ATXN7L1: variants seen among roughly 807,000 people sequenced by gnomAD.
The protein encoded by ATXN7L1 is ataxin 7 like 1.
ATXN7L1 carries 15 observed loss-of-function variants against 70.8 expected under a neutral mutation model. That is an observed-to-expected ratio of 0.21 (90% CI 0.14 to 0.33). ATXN7L1 has a LOEUF of 0.33. ATXN7L1 is among the 10% of genes least tolerant of loss of function. ATXN7L1 has a pLI of 1.00. For missense variants in ATXN7L1, 975 were observed against 1,097.1 expected, an observed-to-expected ratio of 0.89 and a Z score of 1.57; for synonymous variants, 440 against 445.1, an observed-to-expected ratio of 0.99 and a Z score of 0.14.
chr7:105,803,074 G>C (rs994539419), intron 2 of ATXN7L1, among the ~76,000 whole-genome samples: 1 of 152,204 alleles, frequency 6.6e-6, no homozygotes, highest in Non-Finnish European at 1.5e-5. Context: ...CTTAGACTTT[G>C]TCCCACATCT....
intron 2 of ATXN7L1, among the ~76,000 whole-genome samples, chr7:105,818,735 T>C (rs575940528): frequency 1.3e-5 from 2 of 152,250 alleles, no homozygotes; most frequent in Non-Finnish European, 2.9e-5. Context: ...TGTATTAGGA[T>C]AAAGCTGCAT....
chr7:105,764,386 A>G (rs1197947904), intron 3 of ATXN7L1, among the ~76,000 whole-genome samples: 1 of 151,974 alleles, frequency 6.6e-6, no homozygotes, highest in Admixed American at 6.5e-5. Flanking sequence ...GGCCAACAGC[A>G]TCAGCGTCAT....
intron 3 of ATXN7L1, among the ~76,000 whole-genome samples, chr7:105,713,310 A>G (rs1259092395): frequency 1.3e-5 from 2 of 152,228 alleles, no homozygotes; most frequent in Non-Finnish European, 2.9e-5. Context: ...AGCTGATCAG[A>G]GAACCACACT....
intron 4 of ATXN7L1, among the ~76,000 whole-genome samples, chr7:105,644,384 G>A (rs1584483311): frequency 6.6e-6 from 1 of 152,334 alleles, no homozygotes; most frequent in Admixed American, 6.5e-5. Flanking sequence ...GGAACAGATT[G>A]TGGCTGGACA....
intron 3 of ATXN7L1, among the ~76,000 whole-genome samples, chr7:105,666,465 C>A (rs1208790010): frequency 3.9e-5 from 6 of 152,208 alleles, no homozygotes; most frequent in Non-Finnish European, 7.3e-5. Context: ...CATTAGGGCA[C>A]CTTTCCTGGT....
intron 3 of ATXN7L1, among the ~76,000 whole-genome samples, chr7:105,769,421 C>T (rs1398811081): frequency 2.0e-5 from 3 of 152,182 alleles, no homozygotes; most frequent in Non-Finnish European, 4.4e-5. Context: ...TCGTGCTTGA[C>T]TCTCTTATCC....
intron 7 of ATXN7L1, among the ~76,000 whole-genome samples, chr7:105,625,890 G>A (rs1453889998): frequency 6.6e-6 from 1 of 152,178 alleles, no homozygotes; most frequent in Non-Finnish European, 1.5e-5. Flanking sequence ...GATTGAGCAG[G>A]GAGAGGTGAC....
At chr7:105,692,015 T>C (rs1008355868) in intron 3 of ATXN7L1, among the ~76,000 whole-genome samples, 6 of 152,144 alleles carry the variant, frequency 3.9e-5, no homozygotes, top group Admixed American at 6.5e-5. Context: ...CCCAAAGCAA[T>C]TGGGTAACAA....
chr7:105,621,709 A>C (rs1039316269), intron 8 of ATXN7L1, among the ~76,000 whole-genome samples: 1 of 151,864 alleles, frequency 6.6e-6, no homozygotes, highest in Non-Finnish European at 1.5e-5. Flanking sequence ...TCTGCAAATG[A>C]CTCTATAACT....
chr7:105,736,586 T>C (rs1250515945), intron 3 of ATXN7L1, among the ~76,000 whole-genome samples: 3 of 152,226 alleles, frequency 2.0e-5, no homozygotes, highest in African/African-American at 7.2e-5. Flanking sequence ...CCCCTGATCA[T>C]GCCAAAGTTT....
intron 2 of ATXN7L1, among the ~76,000 whole-genome samples, chr7:105,813,557 G>C (rs899416037): frequency 1.3e-5 from 2 of 151,950 alleles, no homozygotes; most frequent in South Asian, 2.1e-4. Context: ...GGCTAGTCTC[G>C]AACTCCCGAC....
chr7:105,766,901 C>T (rs866521186), intron 3 of ATXN7L1, among the ~76,000 whole-genome samples: 6 of 152,248 alleles, frequency 3.9e-5, no homozygotes, highest in Admixed American at 3.3e-4. Context: ...AAACATCAAC[C>T]AGCAGATGAC....
At chr7:105,777,991 C>G (rs1414805648) in intron 3 of ATXN7L1, among the ~76,000 whole-genome samples, 1 of 152,124 alleles carries the variant, frequency 6.6e-6, no homozygotes, top group Non-Finnish European at 1.5e-5. Context: ...GTTATTTAAC[C>G]TACCAGAACA....
intron 3 of ATXN7L1, among the ~76,000 whole-genome samples, chr7:105,750,089 C>A (rs1230089999): frequency 6.6e-6 from 1 of 151,802 alleles, no homozygotes; most frequent in African/African-American, 2.4e-5. Context: ...CATTTAAGTG[C>A]ACTTTGAACC....
chr7:105,829,853 AAAG>A (rs1811361149), intron 2 of ATXN7L1, among the ~76,000 whole-genome samples: 1 of 152,232 alleles, frequency 6.6e-6, no homozygotes, highest in South Asian at 2.1e-4. Flanking sequence ...CCTTCTCTGG[AAAG>A]AAGAGGTTGA....
intron 3 of ATXN7L1, chr7:105,788,343 G>A (rs961305025): frequency 9.8e-6 from 4 of 408,840 alleles, no homozygotes; most frequent in Non-Finnish European, 1.8e-5. Flanking sequence ...GCTAGGCTGG[G>A]CAGATGGCTT....
intron 3 of ATXN7L1, among the ~76,000 whole-genome samples, chr7:105,783,456 C>T (rs893170435): frequency 2.4e-4 from 37 of 152,198 alleles, no homozygotes; most frequent in African/African-American, 7.0e-4. Context: ...TGGTGGCTGG[C>T]GTACATAGGC....
intron 3 of ATXN7L1, among the ~76,000 whole-genome samples, chr7:105,675,819 T>C (rs952110154): frequency 6.7e-6 from 1 of 149,844 alleles, no homozygotes. Flanking sequence ...TAGGTGCCAA[T>C]ACAAATGCAG....
At chr7:105,736,731 A>C (rs1417967381) in intron 3 of ATXN7L1, among the ~76,000 whole-genome samples, 1 of 152,218 alleles carries the variant, frequency 6.6e-6, no homozygotes, top group Non-Finnish European at 1.5e-5. Flanking sequence ...TTTACGGACC[A>C]GCTCTTCCCC....
Sources: allele counts gnomAD v4.1 joint callset (sites outside exome capture counted in the v4.1 genomes callset), GRCh38; gene constraint gnomAD v4.1.1; transcripts MANE v1.5; gene names NCBI Gene and HGNC (gene_info 2026-07-23, HGNC 2026-07-21).